Variants in SAMD5 observed in about 807,000 individuals in gnomAD.
SAMD5 encodes sterile alpha motif domain-containing protein 5.
In SAMD5, 13 loss-of-function variants were observed where a neutral mutation model predicts 11.3. The ratio of observed to expected loss-of-function variants is 1.15; its 90% CI spans 0.75 to 1.83. SAMD5 has a LOEUF of 1.83. SAMD5 is among the 40% of genes most tolerant of loss of function. The pLI is 0.00. For missense variants in SAMD5, 255 were observed against 239.1 expected (o/e 1.07, Z -0.44); for synonymous variants, 129 against 111.3 (o/e 1.16, Z -1.00).
At chr6:147,739,885 T>C (rs1273157274), downstream of SAMD5, among the ~76,000 whole-genome samples, 1 of 152,176 alleles carries the variant, frequency 6.6e-6, no homozygotes, top group African/African-American at 2.4e-5. Context: ...AGCGGCATGA[T>C]ATCAGCTCAC....
chr6:147,795,762 C>T, the SAMD5 span, among the ~76,000 whole-genome samples: 1,688 of 149,170 alleles, frequency 0.011, 37 homozygotes, highest in African/African-American at 0.039. Flanking sequence ...GCCATTCTAA[C>T]TGGTGTGAGA....
chr6:147,729,867 C>T (rs1160648571), intron 1 of SAMD5: 1 of 454,672 alleles, frequency 2.2e-6, no homozygotes, highest in African/African-American at 2.0e-5. Flanking sequence ...GGTGGATCAC[C>T]TGAGGTCAGG....
chr6:147,879,139 A>G, the SAMD5 span, among the ~76,000 whole-genome samples: 5 of 152,224 alleles, frequency 3.3e-5, no homozygotes, highest in African/African-American at 1.2e-4. Flanking sequence ...ATGTGTGTAG[A>G]GTCAGGACTG....
At chr6:147,632,467 A>C (rs1372502172) in intron 1 of SAMD5, among the ~76,000 whole-genome samples, 1 of 152,182 alleles carries the variant, frequency 6.6e-6, no homozygotes, top group Non-Finnish European at 1.5e-5. Flanking sequence ...TATATGAGTC[A>C]GGTGTGAGGA....
At chr6:147,668,010 A>T (rs1583131882) in intron 1 of SAMD5, among the ~76,000 whole-genome samples, 1 of 152,222 alleles carries the variant, frequency 6.6e-6, no homozygotes, top group African/African-American at 2.4e-5. Context: ...AAATATTTTT[A>T]AAATTGCATT....
At chr6:147,714,580 G>T (rs1374505647) in intron 1 of SAMD5, among the ~76,000 whole-genome samples, 1 of 152,194 alleles carries the variant, frequency 6.6e-6, no homozygotes, top group African/African-American at 2.4e-5. Context: ...GTTAGGAAAA[G>T]ATAATCCAAT....
chr6:147,918,883 T>G, the SAMD5 span, among the ~76,000 whole-genome samples: 72 of 152,002 alleles, frequency 4.7e-4, no homozygotes, highest in African/African-American at 1.5e-3. Context: ...TTTTTTGTAT[T>G]TTTAGTAGAG....
chr6:147,629,260 G>C (rs1260238322), intron 1 of SAMD5, among the ~76,000 whole-genome samples: 1 of 152,092 alleles, frequency 6.6e-6, no homozygotes, highest in African/African-American at 2.4e-5. Flanking sequence ...GCAGTGAGCC[G>C]AGATTGTGTC....
intron 1 of SAMD5, among the ~76,000 whole-genome samples, chr6:147,559,266 A>G (rs1788909042): frequency 1.3e-5 from 2 of 152,368 alleles, no homozygotes; most frequent in African/African-American, 4.8e-5. Flanking sequence ...TGATGAGTAC[A>G]GCAAAGTACT....
chr6:147,921,460 C>T, the SAMD5 span, among the ~76,000 whole-genome samples: 3 of 152,084 alleles, frequency 2.0e-5, no homozygotes, highest in Non-Finnish European at 2.9e-5. Context: ...GCAGTTTTCA[C>T]TTCTTGAAAG....
chr6:147,842,455 T>A, the SAMD5 span, among the ~76,000 whole-genome samples: 1 of 112,282 alleles, frequency 8.9e-6, no homozygotes, highest in African/African-American at 3.3e-5. Context: ...ATTGTTGTAA[T>A]GCTCTTTCAT....
chr6:147,513,608 A>T (rs371928143), intron 1 of SAMD5, among the ~76,000 whole-genome samples: 3 of 152,170 alleles, frequency 2.0e-5, no homozygotes, highest in African/African-American at 7.2e-5. Context: ...GGGGAACAGC[A>T]GGATTTCAGA....
At chr6:147,524,800 A>T (rs892592739) in intron 1 of SAMD5, among the ~76,000 whole-genome samples, 3 of 152,180 alleles carry the variant, frequency 2.0e-5, no homozygotes, top group Non-Finnish European at 4.4e-5. Context: ...GAAATATGTC[A>T]AATCACAAAA....
chr6:147,695,811 A>G (rs528037293), intron 1 of SAMD5, among the ~76,000 whole-genome samples: 1 of 152,304 alleles, frequency 6.6e-6, no homozygotes, highest in African/African-American at 2.4e-5. Context: ...TTTGTACCAT[A>G]TATATACTTT....
At chr6:147,612,445 C>G (rs536154188) in intron 1 of SAMD5, among the ~76,000 whole-genome samples, 1 of 152,166 alleles carries the variant, frequency 6.6e-6, no homozygotes, top group Non-Finnish European at 1.5e-5. Context: ...ATTTAAAAAC[C>G]AAAACCTAAT....
the SAMD5 span, among the ~76,000 whole-genome samples, chr6:147,916,012 T>A: frequency 6.6e-6 from 1 of 151,476 alleles, no homozygotes; most frequent in African/African-American, 2.4e-5. Context: ...TTTGGTTTTT[T>A]TGTCCTTCTG....
the SAMD5 span, among the ~76,000 whole-genome samples, chr6:147,868,452 G>T: frequency 1.3e-5 from 2 of 152,228 alleles, no homozygotes; most frequent in South Asian, 4.1e-4. Context: ...GAAATTGTGG[G>T]ACTTAATTAA....
chr6:147,857,442 G>A, the SAMD5 span, among the ~76,000 whole-genome samples: 3 of 151,698 alleles, frequency 2.0e-5, no homozygotes, highest in Non-Finnish European at 4.4e-5. Context: ...AGGATGTCGA[G>A]ACTGCAGTGA....
At chr6:147,600,364 T>G (rs1789597070) in intron 1 of SAMD5, among the ~76,000 whole-genome samples, 1 of 152,204 alleles carries the variant, frequency 6.6e-6, no homozygotes, top group African/African-American at 2.4e-5. Context: ...GGAATCCATA[T>G]TTAGAGATGG....
Sources: gnomAD v4.1 joint callset for allele counts (sites outside exome capture counted in the v4.1 genomes callset) on GRCh38, gnomAD v4.1.1 for gene constraint, MANE v1.5 for transcripts, NCBI Gene and HGNC (gene_info 2026-07-23, HGNC 2026-07-21) for gene names.